PPFIBP1: variants seen among roughly 807,000 people sequenced by gnomAD.
PPFIBP1 encodes the protein PPFIB scaffold protein 1, also known as liprin-beta-1.
A neutral mutation model predicts 137.8 loss-of-function variants in PPFIBP1; 112 were observed. That is an observed-to-expected ratio of 0.81 (90% CI 0.70 to 0.95). PPFIBP1 has a LOEUF of 0.95. Among genes scored for constraint, PPFIBP1 ranks in the 40% least tolerant of loss-of-function variants. The probability of loss-of-function intolerance (pLI) is 0.00; values close to 1 mark genes in which losing one functional copy is unlikely to be tolerated. For synonymous variants in PPFIBP1, 378 were observed against 417.3 expected, an observed-to-expected ratio of 0.91 and a Z score of 1.15; for missense variants, 1,083 against 1,196.6, an observed-to-expected ratio of 0.91 and a Z score of 1.40.
At chr12:27,632,608 A>G (rs1446113301) in intron 2 of PPFIBP1, among the ~76,000 whole-genome samples, 2 of 152,230 alleles carry the variant, frequency 1.3e-5, no homozygotes, top group Non-Finnish European at 2.9e-5. Flanking sequence ...GAAATTATGT[A>G]TTATAGTGGA....
intron 1 of PPFIBP1, among the ~76,000 whole-genome samples, chr12:27,557,354 G>C (rs1282429487): frequency 6.6e-6 from 1 of 151,588 alleles, no homozygotes; most frequent in East Asian, 1.9e-4. Flanking sequence ...TCCTGTCTCA[G>C]CCTCCCGAGT....
intron 24 of PPFIBP1, among the ~76,000 whole-genome samples, chr12:27,683,332 T>G (rs1566011757): frequency 1.3e-5 from 2 of 152,242 alleles, no homozygotes; most frequent in African/African-American, 4.8e-5. Context: ...CCCAAAGTGC[T>G]GGAATTATAG....
At chr12:27,537,670 T>G (rs1205593654) in intron 1 of PPFIBP1, among the ~76,000 whole-genome samples, 1 of 152,066 alleles carries the variant, frequency 6.6e-6, no homozygotes, top group Non-Finnish European at 1.5e-5. Flanking sequence ...TTACTGAAAT[T>G]CACCTATTGA....
intron 2 of PPFIBP1, among the ~76,000 whole-genome samples, chr12:27,588,171 A>G (rs1472819488): frequency 1.3e-5 from 2 of 152,234 alleles, no homozygotes; most frequent in African/African-American, 4.8e-5. Context: ...GATATTAGCT[A>G]GGCTGAGTTT....
rs2061707905 is a variant in PPFIBP1, at chr12:27,695,127, T to TA, written c.*2245_*2246insA. 6.6e-6 allele frequency: 1 copy of TA among 151,920 alleles called. No individual in the cohort carries two copies. Among genetic ancestry groups the TA allele is most frequent in the African/African-American group, 2.4e-5 (1 of 41,376 alleles). 9.4% of individuals were successfully genotyped at this position (151,920 alleles called of 1,614,324 possible). A position where few individuals can be genotyped will look rare whatever the true frequency, so the allele number is the denominator to read the frequency against. On this transcript the variant is annotated 3_prime_UTR_variant, in exon 30 of 30. Transcript: ENST00000228425. ...GAAACTGTTACAGACGCCATTTTTT[T>TA]TTTTTTTGAGACGGAGTCTTGCTCT... is the stretch of plus-strand genomic sequence containing the variant.
intron 4 of PPFIBP1, among the ~76,000 whole-genome samples, chr12:27,638,636 A>T (rs747351300): frequency 2.0e-5 from 3 of 152,200 alleles, no homozygotes; most frequent in East Asian, 3.9e-4. Context: ...AGAGCAGAGC[A>T]TAGAGAGTAG....
intron 1 of PPFIBP1, among the ~76,000 whole-genome samples, chr12:27,556,928 T>C (rs2048745496): frequency 1.4e-5 from 2 of 144,960 alleles, no homozygotes; most frequent in African/African-American, 5.2e-5. Flanking sequence ...TTAAGCTTCC[T>C]AAAATCTCAA....
intron 4 of PPFIBP1, chr12:27,637,041 C>T (rs1263726314): frequency 2.0e-5 from 3 of 152,328 alleles, no homozygotes; most frequent in South Asian, 2.1e-4. Context: ...CCTTGTATCA[C>T]CACCCTAACT....
Position 27,650,160 on chromosome 12 carries a change from C to G in PPFIBP1, c.603+19C>G, listed in dbSNP as rs374269020. 4.4e-6 allele frequency: 7 copies of G among 1,573,870 alleles called. No individual in the cohort carries two copies. Among genetic ancestry groups the G allele is most frequent in the Admixed American group, 1.7e-5 (1 of 59,016 alleles). On this transcript the variant is annotated intron_variant, in intron 7 of 29. Transcript: ENST00000228425. ...CACAGAGGTGAGTGATACAGTCTCT[C>G]CTCCCTCTCTCTCTCTCTCTGTCAC...
At chr12:27,619,844 T>C (rs2056155299) in intron 2 of PPFIBP1, among the ~76,000 whole-genome samples, 1 of 152,164 alleles carries the variant, frequency 6.6e-6, no homozygotes, top group African/African-American at 2.4e-5. Flanking sequence ...AATTCATATG[T>C]GTAATGCATC....
At chr12:27,692,048 T>C in intron 28 of PPFIBP1, 120 bp downstream of exon 28, 1 of 856,296 alleles carries the variant, frequency 1.2e-6, no homozygotes, top group Non-Finnish European at 1.8e-6. Context: ...ATACAGATAA[T>C]AATAGTGAAC....
intron 2 of PPFIBP1, among the ~76,000 whole-genome samples, chr12:27,598,443 T>A (rs1259163580): frequency 6.6e-6 from 1 of 152,152 alleles, no homozygotes; most frequent in East Asian, 1.9e-4. Flanking sequence ...TACCTCCGAC[T>A]GGGTCCCTCC....
chr12:27,686,881 A>G (rs1224515073), intron 24 of PPFIBP1, among the ~76,000 whole-genome samples: 1 of 152,148 alleles, frequency 6.6e-6, no homozygotes, highest in East Asian at 1.9e-4. Flanking sequence ...CCAAAAAAAA[A>G]AAAGATGAAA....
chr12:27,648,669 T>C (rs1047192588), intron 6 of PPFIBP1, among the ~76,000 whole-genome samples: 2 of 152,120 alleles, frequency 1.3e-5, no homozygotes, highest in African/African-American at 4.8e-5. Flanking sequence ...TATTCAACTA[T>C]AAAAAAGCAT....
intron 2 of PPFIBP1, among the ~76,000 whole-genome samples, chr12:27,590,892 A>G (rs905159271): frequency 1.3e-5 from 2 of 152,190 alleles, no homozygotes; most frequent in Non-Finnish European, 2.9e-5. Flanking sequence ...GGTAGGAGGT[A>G]TATGGGTTAG....
At chr12:27,577,472 T>C (rs1303415455) in intron 1 of PPFIBP1, among the ~76,000 whole-genome samples, 1 of 152,208 alleles carries the variant, frequency 6.6e-6, no homozygotes, top group Non-Finnish European at 1.5e-5. Context: ...GCTTTCTCCT[T>C]TGGATGCAGT....
At chr12:27,599,299 A>G (rs894304779) in intron 2 of PPFIBP1, 1 of 301,164 alleles carries the variant, frequency 3.3e-6, no homozygotes, top group Non-Finnish European at 6.7e-6. Context: ...AGTAAAACAA[A>G]ACACTGAGTA....
intron 2 of PPFIBP1, among the ~76,000 whole-genome samples, chr12:27,579,856 A>T (rs559628073): frequency 3.5e-4 from 53 of 152,316 alleles, no homozygotes; most frequent in Non-Finnish European, 3.8e-4. Context: ...CTCAACAGGA[A>T]CAGATGAAGA....
chr12:27,527,769 T>C (rs1005620161), intron 1 of PPFIBP1, among the ~76,000 whole-genome samples: 3 of 150,880 alleles, frequency 2.0e-5, no homozygotes, highest in Non-Finnish European at 4.4e-5. Flanking sequence ...GCTCCAAAAT[T>C]AAGAAAAAAA....
Sources: gnomAD v4.1 joint callset for allele counts (sites outside exome capture counted in the v4.1 genomes callset) on GRCh38, gnomAD v4.1.1 for gene constraint, MANE v1.5 for transcripts, NCBI Gene and HGNC (gene_info 2026-07-23, HGNC 2026-07-21) for gene names.